ARHGAP10: variants seen among roughly 807,000 people sequenced by gnomAD.
The protein encoded by ARHGAP10 is rho GTPase-activating protein 10.
ARHGAP10 carries 87 observed loss-of-function variants against 108.6 expected under a neutral mutation model. The ratio of observed to expected loss-of-function variants is 0.80; its 90% confidence interval spans 0.67 to 0.96. ARHGAP10 has a LOEUF of 0.96. Among genes scored for constraint, ARHGAP10 ranks in the 40% least tolerant of loss-of-function variants. The pLI is 0.00. For missense variants in ARHGAP10, 939 were observed against 954.5 expected (o/e 0.98, Z 0.21); for synonymous variants, 347 against 341.1 (o/e 1.02, Z -0.19).
At chr4:147,862,751 C>G (rs373136690) in intron 5 of ARHGAP10, 2 of 152,288 alleles carry the variant, frequency 1.3e-5, no homozygotes, top group East Asian at 1.9e-4. Flanking sequence ...AAGATAAAAT[C>G]AAATTGATAA....
chr4:147,901,453 A>T (rs1579178775), intron 10 of ARHGAP10, among the ~76,000 whole-genome samples: 2 of 152,224 alleles, frequency 1.3e-5, no homozygotes, highest in East Asian at 1.9e-4. Flanking sequence ...TTGAGTTATC[A>T]TTACATTATT....
intron 19 of ARHGAP10, among the ~76,000 whole-genome samples, chr4:148,038,002 T>TA (rs1259159956): frequency 6.6e-6 from 1 of 152,158 alleles, no homozygotes; most frequent in African/African-American, 2.4e-5. Context: ...TTGTTAAGAA[T>TA]TAGGTTTTAT....
intron 1 of ARHGAP10, among the ~76,000 whole-genome samples, chr4:147,751,765 C>T (rs1028102676): frequency 2.6e-5 from 4 of 151,868 alleles, no homozygotes; most frequent in African/African-American, 9.7e-5. Flanking sequence ...TAGTTAATCT[C>T]GTAATAATTG....
chr4:147,819,021 G>A (rs555245390), intron 1 of ARHGAP10, among the ~76,000 whole-genome samples: 2 of 152,154 alleles, frequency 1.3e-5, no homozygotes, highest in African/African-American at 4.8e-5. Context: ...TCTTAGCACA[G>A]GTACAAAGCA....
chr4:147,953,480 G>A (rs888719811), intron 15 of ARHGAP10, among the ~76,000 whole-genome samples: 4 of 151,954 alleles, frequency 2.6e-5, no homozygotes, highest in Non-Finnish European at 5.9e-5. Flanking sequence ...GCGAACTTTG[G>A]TAGTCTGTGT....
chr4:147,939,687 T>G, intron 13 of ARHGAP10, 138 bp from the exon 14 acceptor site: 1 of 764,270 alleles, frequency 1.3e-6, no homozygotes, highest in South Asian at 1.6e-5. Flanking sequence ...GTTAAACACT[T>G]GATTTTTTCA....
At chr4:147,915,913 G>A (rs998952536) in intron 13 of ARHGAP10, among the ~76,000 whole-genome samples, 4 of 152,208 alleles carry the variant, frequency 2.6e-5, no homozygotes, top group Admixed American at 6.5e-5. Context: ...AGACCAGTCT[G>A]GGCAACATAG....
At chr4:147,841,948 C>T (rs562053055) in intron 3 of ARHGAP10, among the ~76,000 whole-genome samples, 1 of 152,202 alleles carries the variant, frequency 6.6e-6, no homozygotes, top group South Asian at 2.1e-4. Context: ...CCACGTCACC[C>T]CCAAGATGGA....
rs28664243 is a variant in ARHGAP10, at chr4:147,917,858, T to A, written c.1228+4719T>A. On this transcript the variant is annotated intron_variant, in intron 13 of 22. Transcript: ENST00000336498. ...TCAGAGGTCTTAAAGTCGCATTTAT[T>A]AAACCAGTCCTTTATTCAAAATGAT... Among the ~76,000 whole-genome samples the A allele has an allele frequency of 7.6e-3, 1,156 of 152,296 alleles. 19 individuals carry two copies. The highest frequency in any genetic ancestry group is 0.027 in the African/African-American group (1,102 of 41,558).
intron 3 of ARHGAP10, among the ~76,000 whole-genome samples, chr4:147,843,793 C>A (rs928784561): frequency 6.6e-6 from 1 of 152,234 alleles, no homozygotes; most frequent in Admixed American, 6.5e-5. Flanking sequence ...GGATTACAGG[C>A]GTGAGCCACT....
chr4:147,914,563 C>G (rs1736884051), intron 13 of ARHGAP10, among the ~76,000 whole-genome samples: 1 of 112,084 alleles, frequency 8.9e-6, no homozygotes, highest in Admixed American at 1.1e-4. Context: ...CGCTCCCCCC[C>G]CCCCCTTTTT....
intron 1 of ARHGAP10, among the ~76,000 whole-genome samples, chr4:147,778,239 G>A (rs939403530): frequency 2.0e-5 from 3 of 152,250 alleles, no homozygotes; most frequent in East Asian, 1.9e-4. Context: ...AGTGGGTGCT[G>A]CCTGTTGTAT....
chr4:148,054,185 C>G (rs778873769), intron 20 of ARHGAP10, among the ~76,000 whole-genome samples: 1 of 152,236 alleles, frequency 6.6e-6, no homozygotes, highest in Non-Finnish European at 1.5e-5. Flanking sequence ...CTCATGGGCT[C>G]TCTCCGTAAG....
chr4:147,786,423 G>A lies in ARHGAP10; in HGVS notation c.155-36304G>A, dbSNP rs573479401. 3.3e-5 allele frequency among the ~76,000 whole-genome samples: 5 copies of A among 152,284 alleles called. No homozygotes were observed. The South Asian group carries it at 8.3e-4, about 25-fold the overall frequency. On this transcript the variant is annotated intron_variant, in intron 1 of 22. Transcript: ENST00000336498. ...ATCCTGAAAAGCAGCTTAGTTCTTA[G>A]CAATGGCAGGGAGAAGTGGCGTGAG...
At chr4:147,811,492 T>A (rs1293637514) in intron 1 of ARHGAP10, among the ~76,000 whole-genome samples, 2 of 152,190 alleles carry the variant, frequency 1.3e-5, no homozygotes, top group African/African-American at 4.8e-5. Context: ...ACTGTCCTGA[T>A]AATTGGGTAC....
At chr4:147,899,120 C>T (rs1417918904) in intron 10 of ARHGAP10, among the ~76,000 whole-genome samples, 2 of 152,174 alleles carry the variant, frequency 1.3e-5, no homozygotes, top group African/African-American at 4.8e-5. Flanking sequence ...TCCTCATGAG[C>T]GCTTGAGGTC....
chr4:148,071,336 C>T (rs1024507585), intron 22 of ARHGAP10, among the ~76,000 whole-genome samples: 1 of 152,234 alleles, frequency 6.6e-6, no homozygotes, highest in African/African-American at 2.4e-5. Context: ...GAGTTTGAGG[C>T]TGGGAGTGGT....
At chr4:148,068,904 C>T (rs1432098408) in intron 22 of ARHGAP10, among the ~76,000 whole-genome samples, 4 of 152,138 alleles carry the variant, frequency 2.6e-5, no homozygotes, top group Non-Finnish European at 5.9e-5. Context: ...GCCTCACACC[C>T]GTCTTGTTCC....
At chr4:147,958,760 A>G (rs1443900124) in intron 16 of ARHGAP10, among the ~76,000 whole-genome samples, 1 of 152,176 alleles carries the variant, frequency 6.6e-6, no homozygotes, top group Non-Finnish European at 1.5e-5. Context: ...TTACAGTATC[A>G]TTGACTTTTG....
Sources: allele counts gnomAD v4.1 joint callset (sites outside exome capture counted in the v4.1 genomes callset), GRCh38; gene constraint gnomAD v4.1.1; transcripts MANE v1.5; gene names NCBI Gene and HGNC (gene_info 2026-07-23, HGNC 2026-07-21).